Variants in FGF18 observed in about 807,000 individuals in gnomAD.
FGF18 encodes fibroblast growth factor 18.
Under a neutral mutation model 23.0 loss-of-function variants are expected in FGF18, and 5 were observed. The observed-to-expected ratio is 0.22, with a 90% CI of 0.11 to 0.46. The LOEUF is 0.46. FGF18 is among the 20% of genes least tolerant of loss of function. The pLI is 0.99. For missense variants in FGF18, 180 were observed against 291.6 expected (o/e 0.62, Z 2.79); for synonymous variants, 117 against 118.9 (o/e 0.98, Z 0.10).
chr5:171,456,789 C>T lies in FGF18; in HGVS notation c.608C>T (p.Pro203Leu). The change falls in exon 5 of 5, where the codon CCC (proline) becomes CTC (leucine). Residue 203 changes from proline (P) to leucine (L), a missense_variant. By Grantham distance (98) the Pro-to-Leu change is moderately conservative. Coordinates refer to ENST00000274625, the MANE Select transcript of FGF18 (RefSeq NM_003862.3). This position sits in a 1 kb window ranked among gnomAD's most constrained non-coding sequence, Gnocchi z 6.1. ...ACCAAGAGGTCCCGTCGGATCCGGC[C>T]CACACACCCTGCCTAGGCCACCCCG... ...TVTKRSRRIR[P>L]THPA 1 of 1,613,344 alleles carries T rather than the reference C, an allele frequency of 6.2e-7. No homozygotes were observed. The highest frequency in any genetic ancestry group is 8.5e-7 in the Non-Finnish European group (1 of 1,179,614).
intron 3 of FGF18, among the ~76,000 whole-genome samples, chr5:171,442,670 C>G (rs1303493169): frequency 6.6e-6 from 1 of 152,212 alleles, no homozygotes; most frequent in African/African-American, 2.4e-5. Flanking sequence ...GGTCTTGTCC[C>G]CTGCATCTGT....
rs997529121 is a variant in FGF18, at chr5:171,430,811, A to G, written c.70-5282A>G. ...CTCCGTCTCAAAAAAAAAAAAAAAA[A>G]AAAAAGAAAAAAGAGTAATGATTGT... On this transcript the variant is annotated intron_variant, in intron 2 of 4. Transcript: ENST00000274625. Among the ~76,000 whole-genome samples, 19 of 109,834 alleles carry G rather than the reference A, an allele frequency of 1.7e-4. 1 individual carries two copies. The highest frequency in any genetic ancestry group is 4.8e-4 in the Admixed American group (6 of 12,426). The allele number at this position is 109,834 out of a possible 152,430, so 72.1% of individuals were successfully genotyped here.
chr5:171,443,975 T>G (rs1283797690), intron 3 of FGF18, among the ~76,000 whole-genome samples: 1 of 151,880 alleles, frequency 6.6e-6, no homozygotes, highest in Admixed American at 6.6e-5. Context: ...TCATGCAGCC[T>G]TTTCTCCTCT....
At chr5:171,421,408 A>C (rs1772004908) in intron 2 of FGF18, among the ~76,000 whole-genome samples, 1 of 152,232 alleles carries the variant, frequency 6.6e-6, no homozygotes, top group South Asian at 2.1e-4. Context: ...GCAAGGGGCC[A>C]GGCCAGGAGG....
chr5:171,421,826 C>T (rs1014921215), intron 2 of FGF18, among the ~76,000 whole-genome samples: 2 of 140,882 alleles, frequency 1.4e-5, no homozygotes, highest in African/African-American at 5.4e-5. Context: ...TAACTGGAGT[C>T]AGTAACTTAA....
chr5:171,442,386 G>A (rs1772359961), intron 3 of FGF18, among the ~76,000 whole-genome samples: 1 of 152,150 alleles, frequency 6.6e-6, no homozygotes, highest in Non-Finnish European at 1.5e-5. Flanking sequence ...AAGGAGGGAG[G>A]GCTGACTCGG....
At chr5:171,427,363 G>A (rs562973559) in intron 2 of FGF18, among the ~76,000 whole-genome samples, 262 of 152,334 alleles carry the variant, frequency 1.7e-3, no homozygotes, top group Admixed American at 3.1e-3. Flanking sequence ...TGTTAGGTAC[G>A]TAACATGCTG....
At chr5:171,448,297 T>C (rs1057007568) in intron 3 of FGF18, among the ~76,000 whole-genome samples, 3 of 152,098 alleles carry the variant, frequency 2.0e-5, no homozygotes, top group Admixed American at 2.0e-4. Context: ...GGGAGTTAGT[T>C]ACCCTTCAGC....
Position 171,431,808 on chromosome 5 carries a change from C to T in FGF18, c.70-4285C>T, listed in dbSNP as rs535871979. Among the ~76,000 whole-genome samples the T allele has an allele frequency of 8.5e-5, 13 of 152,228 alleles. No individual in the cohort carries two copies. The South Asian group carries it at 2.5e-3, about 29-fold the overall frequency. ...GCGCGGTGGCTCACACCTGTAATCC[C>T]AGCACTTTGGGAGGCCGAGGTGGGC... On this transcript the variant is annotated intron_variant, in intron 2 of 4. Coordinates refer to ENST00000274625, the MANE Select transcript of FGF18 (RefSeq NM_003862.3).
At chr5:171,423,972 C>T (rs1164678194) in intron 2 of FGF18, among the ~76,000 whole-genome samples, 1 of 151,948 alleles carries the variant, frequency 6.6e-6, no homozygotes, top group Non-Finnish European at 1.5e-5. Context: ...ACCATGTTGG[C>T]CAGGCTGGTC....
At chr5:171,439,901 T>A (rs1416619084) in intron 3 of FGF18, among the ~76,000 whole-genome samples, 1 of 151,968 alleles carries the variant, frequency 6.6e-6, no homozygotes, top group South Asian at 2.1e-4. Flanking sequence ...GAAAAAAAAA[T>A]GATTAAAAAA....
Position 171,451,029 on chromosome 5 carries a change from A to G in FGF18, c.357+1776A>G, listed in dbSNP as rs1772498543. 6.6e-6 allele frequency among the ~76,000 whole-genome samples: 1 copy of G among 151,746 alleles called. No homozygotes were observed. Among genetic ancestry groups the G allele is most frequent in the South Asian group, 2.1e-4 (1 of 4,818 alleles). ...AGGAGGGCTGCGCGGGGGTCAAAAG[A>G]GCAGCCCCGTCCCCTCGGGCCGCCC... On this transcript the variant is annotated intron_variant, in intron 4 of 4. Transcript: ENST00000274625. This position sits in a 1 kb window ranked among gnomAD's most constrained non-coding sequence, Gnocchi z 4.5.
chr5:171,424,862 G>C (rs60613819), intron 2 of FGF18, among the ~76,000 whole-genome samples: 1 of 151,968 alleles, frequency 6.6e-6, no homozygotes, highest in African/African-American at 2.4e-5. Flanking sequence ...AGGGGGAGGG[G>C]GAGGGGAGGG....
At chr5:171,455,343 C>G (rs907353578) in intron 4 of FGF18, among the ~76,000 whole-genome samples, 1 of 152,190 alleles carries the variant, frequency 6.6e-6, no homozygotes, top group African/African-American at 2.4e-5. Context: ...CACCACATCC[C>G]ACATGACATG....
intron 3 of FGF18, among the ~76,000 whole-genome samples, chr5:171,438,406 G>C (rs745333041): frequency 2.6e-5 from 4 of 151,874 alleles, no homozygotes; most frequent in Non-Finnish European, 5.9e-5. Context: ...GCCCGGCCAT[G>C]CTTCTTAAGT....
chr5:171,453,756 G>C (rs1304235088), intron 4 of FGF18, among the ~76,000 whole-genome samples: 1 of 152,126 alleles, frequency 6.6e-6, no homozygotes, highest in Non-Finnish European at 1.5e-5. Flanking sequence ...GGGAGACCAA[G>C]TGTGCGAGAC....
Position 171,456,738 on chromosome 5 carries a change from A to G in FGF18, c.557A>G (p.Gln186Arg). ...TACCCCAAGGGGCAGCCGGAGCTTC[A>G]GAAGCCCTTCAAGTACACGACGGTG... is the stretch of plus-strand genomic sequence containing the variant. The part of the protein sequence containing the change: ...KRYPKGQPEL[Q>R]KPFKYTTVTK... Residue 186 changes from glutamine to arginine, a missense_variant, in exon 5 of 5, where the codon CAG (glutamine) becomes CGG (arginine). Gln to Arg is a conservative substitution (Grantham distance 43, BLOSUM62 1). Coordinates refer to ENST00000274625, the MANE Select transcript of FGF18 (RefSeq NM_003862.3). The surrounding 1 kb of genome is among the most constrained non-coding windows in gnomAD (Gnocchi z 6.1). The G allele has an allele frequency of 1.9e-6, 3 of 1,614,076 alleles. No individual in the cohort carries two copies. Among genetic ancestry groups the G allele is most frequent in the Non-Finnish European group, 2.5e-6 (3 of 1,180,024 alleles).
intron 2 of FGF18, among the ~76,000 whole-genome samples, chr5:171,422,341 A>G (rs1007188835): frequency 6.6e-6 from 1 of 151,880 alleles, no homozygotes; most frequent in Non-Finnish European, 1.5e-5. Flanking sequence ...CACCACCTCC[A>G]CCTTCCCCCT....
chr5:171,441,639 G>C (rs74843582), intron 3 of FGF18, among the ~76,000 whole-genome samples: 2 of 152,166 alleles, frequency 1.3e-5, no homozygotes, highest in East Asian at 3.9e-4. Context: ...TATATATTTA[G>C]TTACCCACTA....
Sources: gnomAD v4.1 joint callset for allele counts (sites outside exome capture counted in the v4.1 genomes callset) on GRCh38, gnomAD v4.1.1 for gene constraint, Gnocchi (gnomAD v3.1) non-coding constraint, MANE v1.5 for transcripts, NCBI Gene and HGNC (gene_info 2026-07-23, HGNC 2026-07-21) for gene names.